VSTM2A: variants seen among roughly 807,000 people sequenced by gnomAD.
The protein encoded by VSTM2A is V-set and transmembrane domain containing 2A, also known as V-set and transmembrane domain-containing protein 2A.
In VSTM2A, 13 loss-of-function variants were observed where a neutral mutation model predicts 27.3. The observed-to-expected ratio is 0.48, with a 90% confidence interval of 0.31 to 0.76. The LOEUF (loss-of-function observed/expected upper bound fraction) is 0.76. Ranked by LOEUF, VSTM2A falls within the 30% of genes least tolerant of loss-of-function variation. The pLI, the probability that VSTM2A is intolerant of heterozygous loss-of-function variation, is 0.05. For synonymous variants in VSTM2A, 142 were observed against 125.7 expected (o/e 1.13, Z -0.87); for missense variants, 280 against 310.0 (o/e 0.90, Z 0.73).
chr7:54,560,616 T>A (rs930810940), intron 4 of VSTM2A, among the ~76,000 whole-genome samples: 1 of 152,166 alleles, frequency 6.6e-6, no homozygotes, highest in African/African-American at 2.4e-5. Context: ...CACAACAGAC[T>A]CTGAGAGAGC....
chr7:54,549,253 G>C (rs1486864093), intron 3 of VSTM2A, among the ~76,000 whole-genome samples: 5 of 152,064 alleles, frequency 3.3e-5, no homozygotes, highest in African/African-American at 1.2e-4. Context: ...TGTACCCCAA[G>C]CCATGCCACC....
intron 4 of VSTM2A, among the ~76,000 whole-genome samples, chr7:54,567,398 G>A (rs1156630976): frequency 6.6e-6 from 1 of 152,178 alleles, no homozygotes; most frequent in Non-Finnish European, 1.5e-5. Flanking sequence ...TAATACTCAT[G>A]TAAATCATGC....
At chr7:54,554,182 A>T in intron 4 of VSTM2A, 1 of 1,484,520 alleles carries the variant, frequency 6.7e-7, no homozygotes, top group Non-Finnish European at 9.0e-7. Flanking sequence ...GTCTCTAGGC[A>T]GCCTTTCTCC....
intron 4 of VSTM2A, chr7:54,553,879 T>TTC (rs759464423): frequency 6.4e-7 from 1 of 1,551,238 alleles, no homozygotes; most frequent in African/African-American, 1.4e-5. Flanking sequence ...TCTCCAATCC[T>TTC]TCCAGAAGTC....
chr7:54,557,331 T>G (rs1021987042), intron 4 of VSTM2A: 5 of 151,838 alleles, frequency 3.3e-5, no homozygotes, highest in African/African-American at 1.2e-4. Context: ...TTTTTTTTTT[T>G]TTTTTGTTGT....
At position 54,542,775 on chromosome 7, in the gene VSTM2A, C is replaced by T; in HGVS notation, c.45C>T (p.Ser15=). 6.2e-7 allele frequency: 1 copy of T among 1,613,736 alleles called. No homozygotes were observed. Among genetic ancestry groups the T allele is most frequent in the Non-Finnish European group, 8.5e-7 (1 of 1,179,800 alleles). Residue 15 remains serine, a synonymous_variant, in exon 1 of 5, where the codon TCC becomes TCT. Transcript: ENST00000402613. ...FLVYVGFVFF[S]VLYVQQGLSS... Reference sequence around the variant, plus strand: ...TGTATGTTGGATTTGTTTTCTTTTCCGTTTTATATGTACAACAAGGGCTTT... The same window carrying T: ...TGTATGTTGGATTTGTTTTCTTTTCTGTTTTATATGTACAACAAGGGCTTT...
intron 4 of VSTM2A, among the ~76,000 whole-genome samples, chr7:54,566,180 A>C (rs1440918031): frequency 1.3e-5 from 2 of 152,242 alleles, no homozygotes; most frequent in African/African-American, 4.8e-5. Flanking sequence ...TTCTGTGTCC[A>C]AGAGAAACCT....
At chr7:54,556,219 T>G (rs1424915369) in intron 4 of VSTM2A, among the ~76,000 whole-genome samples, 1 of 152,238 alleles carries the variant, frequency 6.6e-6, no homozygotes, top group African/African-American at 2.4e-5. Flanking sequence ...GGAAACTGGC[T>G]GCAGTGAAGG....
At position 54,564,556 on chromosome 7, in the gene VSTM2A, T is replaced by A. The variant is rs972302951; in HGVS notation, c.635-4575T>A. Among the ~76,000 whole-genome samples, 62 of 152,202 alleles carry A rather than the reference T, an allele frequency of 4.1e-4. 1 individual carries two copies. The highest frequency in any genetic ancestry group is 1.4e-3 in the Admixed American group (22 of 15,286). ...TATCAAATGTACATGGAATAAGTTG[T>A]TTACTTAGTTTTCTCCACTCAGCGC... On this transcript the variant is annotated intron_variant, in intron 4 of 4. Transcript: ENST00000402613.
intron 2 of VSTM2A, among the ~76,000 whole-genome samples, chr7:54,545,991 AG>A (rs1181386945): frequency 8.6e-5 from 6 of 69,560 alleles, no homozygotes; most frequent in African/African-American, 1.2e-4. Flanking sequence ...AGAGAGAATG[AG>A]GGGGGAAGGG....
At chr7:54,549,064 A>C (rs978128467) in intron 3 of VSTM2A, among the ~76,000 whole-genome samples, 1 of 151,018 alleles carries the variant, frequency 6.6e-6, no homozygotes, top group East Asian at 1.9e-4. Context: ...TATATATCAG[A>C]TATATGATCT....
chr7:54,553,999 G>A (rs68106607), intron 4 of VSTM2A: 195,272 of 1,552,980 alleles, frequency 0.13, 13,143 homozygotes, highest in African/African-American at 0.15. Flanking sequence ...ACTGTGAAGC[G>A]GCTTCCTGCT....
intron 4 of VSTM2A, among the ~76,000 whole-genome samples, chr7:54,563,573 G>A (rs376580020): frequency 6.6e-6 from 1 of 152,138 alleles, no homozygotes; most frequent in Non-Finnish European, 1.5e-5. Flanking sequence ...AGCTGCAGGA[G>A]GTAGAAAGGT....
chr7:54,545,612 G>C (rs1434683454), intron 2 of VSTM2A, among the ~76,000 whole-genome samples: 1 of 65,508 alleles, frequency 1.5e-5, no homozygotes, highest in Non-Finnish European at 3.1e-5. Context: ...GGACGGGGAG[G>C]GGGAAGGGGC....
intron 3 of VSTM2A, among the ~76,000 whole-genome samples, chr7:54,547,763 A>C (rs566672661): frequency 6.6e-6 from 1 of 152,182 alleles, no homozygotes; most frequent in East Asian, 1.9e-4. Flanking sequence ...TATTGTTATT[A>C]TTTGTTTTTA....
chr7:54,546,649 A>G (rs1787996164), intron 2 of VSTM2A: 5 of 236,934 alleles, frequency 2.1e-5, no homozygotes, highest in Non-Finnish European at 3.2e-5. Context: ...CCCCGCCTCC[A>G]GAGCGCAGCA....
intron 4 of VSTM2A, chr7:54,553,850 C>G: frequency 6.4e-7 from 1 of 1,551,166 alleles, no homozygotes; most frequent in Non-Finnish European, 8.7e-7. Flanking sequence ...CTACTTGTTT[C>G]TTCCTGTCTC....
intron 4 of VSTM2A, among the ~76,000 whole-genome samples, chr7:54,560,193 T>C (rs1390723050): frequency 2.6e-5 from 4 of 151,930 alleles, no homozygotes; most frequent in Non-Finnish European, 5.9e-5. Flanking sequence ...AATTATAGAG[T>C]TCAGGACAAA....
intron 2 of VSTM2A, among the ~76,000 whole-genome samples, chr7:54,545,521 GA>G (rs1787921060): frequency 8.2e-6 from 1 of 122,556 alleles, no homozygotes; most frequent in Admixed American, 8.3e-5. Flanking sequence ...AGAGAGAAGG[GA>G]AGGAGGGAAG....
Sources: gnomAD v4.1 joint callset for allele counts (sites outside exome capture counted in the v4.1 genomes callset) on GRCh38, gnomAD v4.1.1 for gene constraint, MANE v1.5 for transcripts, NCBI Gene and HGNC (gene_info 2026-07-23, HGNC 2026-07-21) for gene names.